ARHGAP12: variants seen among roughly 807,000 people sequenced by gnomAD.
ARHGAP12 encodes the protein Rho GTPase activating protein 12, also known as rho GTPase-activating protein 12.
ARHGAP12 carries 64 observed loss-of-function variants against 108.6 expected under a neutral mutation model. That is an observed-to-expected ratio of 0.59 (90% confidence interval 0.48 to 0.73). The LOEUF (loss-of-function observed/expected upper bound fraction) is 0.73. Among genes scored for constraint, ARHGAP12 ranks in the 30% least tolerant of loss-of-function variants. ARHGAP12 has a pLI of 0.00. For missense variants in ARHGAP12, 940 were observed against 1,005.9 expected (o/e 0.93, Z 0.89); for synonymous variants, 312 against 337.2 (o/e 0.93, Z 0.82).
chr10:31,890,444 C>G (rs777722851), intron 3 of ARHGAP12, among the ~76,000 whole-genome samples: 4 of 152,104 alleles, frequency 2.6e-5, no homozygotes, highest in Non-Finnish European at 5.9e-5. Context: ...CATTATATAG[C>G]AGAAATCATA....
chr10:31,891,862 G>A (rs1407124453), intron 3 of ARHGAP12, among the ~76,000 whole-genome samples: 2 of 152,010 alleles, frequency 1.3e-5, no homozygotes, highest in Admixed American at 6.6e-5. Context: ...TCTTCTTCCA[G>A]CTGATCGAAT....
intron 15 of ARHGAP12, among the ~76,000 whole-genome samples, chr10:31,812,036 T>C (rs1035653075): frequency 5.3e-5 from 8 of 152,232 alleles, no homozygotes; most frequent in African/African-American, 1.4e-4. Flanking sequence ...AGAAATTTCA[T>C]AATAATCAGA....
intron 4 of ARHGAP12, among the ~76,000 whole-genome samples, chr10:31,854,966 T>C (rs901132246): frequency 1.4e-5 from 2 of 146,036 alleles, no homozygotes. Context: ...TCATCTCCAT[T>C]TTTATTCAAA....
At chr10:31,882,473 C>T (rs1447630062) in intron 3 of ARHGAP12, among the ~76,000 whole-genome samples, 1 of 152,064 alleles carries the variant, frequency 6.6e-6, no homozygotes, top group East Asian at 1.9e-4. Context: ...TGTTACTTTG[C>T]TAATGCTGGA....
At chr10:31,831,086 A>G (rs1229163479) in intron 10 of ARHGAP12, among the ~76,000 whole-genome samples, 3 of 152,358 alleles carry the variant, frequency 2.0e-5, no homozygotes, top group Admixed American at 1.3e-4. Context: ...GCTAAATGTA[A>G]TATTACATGT....
At chr10:31,909,612 G>C (rs1173544653) in intron 2 of ARHGAP12, among the ~76,000 whole-genome samples, 1 of 152,142 alleles carries the variant, frequency 6.6e-6, no homozygotes, top group African/African-American at 2.4e-5. Context: ...AGTAGAGGGA[G>C]ATTAAGGGCA....
chr10:31,823,407 C>A (rs747395649), intron 11 of ARHGAP12, among the ~76,000 whole-genome samples: 8 of 151,284 alleles, frequency 5.3e-5, no homozygotes, highest in Non-Finnish European at 1.0e-4. Context: ...TAAAATATTT[C>A]TTATAAAGTG....
At chr10:31,829,820 T>C (rs1396852985) in intron 10 of ARHGAP12, among the ~76,000 whole-genome samples, 2 of 152,196 alleles carry the variant, frequency 1.3e-5, no homozygotes, top group African/African-American at 4.8e-5. Context: ...AAACTACCAT[T>C]TGTAGAGTTT....
intron 1 of ARHGAP12, among the ~76,000 whole-genome samples, chr10:31,920,491 T>TTAC (rs964154263): frequency 3.5e-5 from 5 of 141,776 alleles, no homozygotes; most frequent in Non-Finnish European, 7.6e-5. Context: ...AAAGTAGCAC[T>TTAC]TACGCAGCAT....
At chr10:31,829,717 C>T (rs1188608492) in intron 10 of ARHGAP12, among the ~76,000 whole-genome samples, 3 of 152,186 alleles carry the variant, frequency 2.0e-5, no homozygotes, top group Admixed American at 2.0e-4. Context: ...AAGATTCACT[C>T]AGGTGCAACA....
chr10:31,922,471 T>C (rs1488518761), intron 1 of ARHGAP12, among the ~76,000 whole-genome samples: 1 of 151,300 alleles, frequency 6.6e-6, no homozygotes, highest in African/African-American at 2.4e-5. Context: ...AGCATAATCA[T>C]AGCTCACTGC....
At chr10:31,897,933 G>A (rs1193533560) in intron 3 of ARHGAP12, among the ~76,000 whole-genome samples, 2 of 152,044 alleles carry the variant, frequency 1.3e-5, no homozygotes, top group Admixed American at 1.3e-4. Context: ...TGAGGCCAGC[G>A]TGGGCAACAA....
chr10:31,869,128 A>G (rs1259515608), intron 3 of ARHGAP12, among the ~76,000 whole-genome samples: 2 of 152,222 alleles, frequency 1.3e-5, no homozygotes, highest in Non-Finnish European at 2.9e-5. Context: ...AATAAGCAGT[A>G]AGATATAAGT....
intron 3 of ARHGAP12, among the ~76,000 whole-genome samples, chr10:31,893,009 A>G (rs1838520079): frequency 6.6e-6 from 1 of 152,192 alleles, no homozygotes; most frequent in Admixed American, 6.5e-5. Flanking sequence ...TACTGGGTAC[A>G]TAACAAAATG....
At chr10:31,837,601 T>C (rs1377637275) in intron 9 of ARHGAP12, among the ~76,000 whole-genome samples, 2 of 152,238 alleles carry the variant, frequency 1.3e-5, no homozygotes, top group East Asian at 1.9e-4. Flanking sequence ...TAACTATGTA[T>C]AGAAAAAGCA....
intron 3 of ARHGAP12, among the ~76,000 whole-genome samples, chr10:31,864,467 T>C (rs1284777215): frequency 2.0e-5 from 3 of 152,198 alleles, no homozygotes; most frequent in Non-Finnish European, 4.4e-5. Context: ...ATAAACATGC[T>C]AATTCTCCAA....
intron 3 of ARHGAP12, among the ~76,000 whole-genome samples, chr10:31,870,907 A>T (rs564041711): frequency 6.6e-6 from 1 of 152,324 alleles, no homozygotes; most frequent in East Asian, 1.9e-4. Flanking sequence ...TTACTTAACT[A>T]ACATTTAAGT....
At position 31,806,296 on chromosome 10, in the gene ARHGAP12, A is replaced by C. The variant is rs1281636098; in HGVS notation, c.*1362T>G. On this transcript the variant is annotated 3_prime_UTR_variant, in exon 20 of 20. Coordinates refer to ENST00000344936, the MANE Select transcript of ARHGAP12 (RefSeq NM_018287.7). Reference sequence around the variant, plus strand: ...ATTAGAAACCAAAATGCACATTTCCAATGGAAAAATCTCTAAACCTCTTAT... The same window carrying C: ...ATTAGAAACCAAAATGCACATTTCCCATGGAAAAATCTCTAAACCTCTTAT... 1 of 152,630 alleles carries C rather than the reference A, an allele frequency of 6.6e-6. No homozygotes were observed. The allele number at this position is 152,630 out of a possible 1,614,324, so 9.5% of individuals were successfully genotyped here.
chr10:31,811,542 C>CT lies in ARHGAP12; in HGVS notation c.1952-796dup, dbSNP rs34453459. On this transcript the variant is annotated intron_variant, in intron 15 of 19. Transcript: ENST00000344936. ...AGTTTCTATTCACTTATTTGCCAGG[C>CT]TTTTTTTTTTTTTTTTTAAGTTTTT... Among the ~76,000 whole-genome samples, 738 of 136,020 alleles carry CT rather than the reference C, an allele frequency of 5.4e-3. 3 individuals are homozygous for CT. The highest frequency in any genetic ancestry group is 0.012 in the Middle Eastern group (3 of 258). 89.2% of individuals were successfully genotyped at this position (136,020 alleles called of 152,430 possible).
Sources: gnomAD v4.1 joint callset for allele counts (sites outside exome capture counted in the v4.1 genomes callset) on GRCh38, gnomAD v4.1.1 for gene constraint, MANE v1.5 for transcripts, NCBI Gene and HGNC (gene_info 2026-07-23, HGNC 2026-07-21) for gene names.